AK9: variants seen among roughly 807,000 people sequenced by gnomAD.
The protein encoded by AK9 is adenylate kinase 9.
Under a neutral mutation model 239.6 loss-of-function variants are expected in AK9, and 191 were observed. The ratio of observed to expected loss-of-function variants is 0.80; its 90% CI spans 0.71 to 0.90. The LOEUF (loss-of-function observed/expected upper bound fraction) is 0.90. AK9 is among the 40% of genes least tolerant of loss of function. The probability of loss-of-function intolerance (pLI) is 0.00; values close to 1 mark genes in which losing one functional copy is unlikely to be tolerated. For missense variants in AK9, 1,995 were observed against 2,214.7 expected (o/e 0.90, Z 1.99); for synonymous variants, 689 against 721.0 (o/e 0.96, Z 0.71).
At chr6:109,668,145 C>T (rs1339458312) in intron 5 of AK9, among the ~76,000 whole-genome samples, 13 of 152,186 alleles carry the variant, frequency 8.5e-5, no homozygotes, top group African/African-American at 2.4e-4. Flanking sequence ...ATTTCTTGGA[C>T]GGCCAGTGAT....
At chr6:109,671,172 C>T (rs1195936257) in intron 5 of AK9, among the ~76,000 whole-genome samples, 1 of 152,130 alleles carries the variant, frequency 6.6e-6, no homozygotes, top group African/African-American at 2.4e-5. Flanking sequence ...TTTTACTTTC[C>T]TGTATTTTTA....
chr6:109,584,075 T>A (rs1789183624), intron 19 of AK9, among the ~76,000 whole-genome samples: 1 of 152,196 alleles, frequency 6.6e-6, no homozygotes. Flanking sequence ...TACTGTTTGG[T>A]CAATATATCA....
At chr6:109,663,257 C>T (rs1800685620) in intron 5 of AK9, among the ~76,000 whole-genome samples, 1 of 151,928 alleles carries the variant, frequency 6.6e-6, no homozygotes, top group South Asian at 2.1e-4. Flanking sequence ...TATTAATTTC[C>T]TTAATATATT....
intron 23 of AK9, among the ~76,000 whole-genome samples, 183 bp from the exon 24 acceptor site, chr6:109,563,895 T>C (rs1220770585): frequency 6.6e-6 from 1 of 152,242 alleles, no homozygotes; most frequent in Non-Finnish European, 1.5e-5. Context: ...CAGAGGTGTT[T>C]GGGCCACATA....
At chr6:109,497,382 T>TCA in intron 38 of AK9, 83 bp downstream of exon 38, 2 of 642,308 alleles carry the variant, frequency 3.1e-6, no homozygotes, top group African/African-American at 3.7e-5. Context: ...TCTCTCTCTC[T>TCA]CTCACACACT....
At chr6:109,650,933 GA>G (rs1435416072) in intron 8 of AK9, among the ~76,000 whole-genome samples, 2 of 152,120 alleles carry the variant, frequency 1.3e-5, no homozygotes, top group Admixed American at 6.5e-5. Flanking sequence ...CCTTTGTAGG[GA>G]CATGGATGAA....
At position 109,494,096 on chromosome 6, in the gene AK9, C is replaced by T. The variant is rs761221097; in HGVS notation, c.5419-1G>A. The stretch of plus-strand genomic sequence containing the variant: ...CTTTAATTAGAGAAGTTGCAATACC[C>T]TGCAGGGAGGGAACAATTCAAATTC... On this transcript the variant is annotated splice_acceptor_variant, in intron 39 of 40. Transcript: ENST00000424296. LOFTEE classifies it high-confidence loss of function. The T allele has an allele frequency of 1.2e-6, 2 of 1,606,176 alleles. No individual in the cohort carries two copies. Among genetic ancestry groups the T allele is most frequent in the South Asian group, 1.1e-5 (1 of 90,506 alleles).
chr6:109,647,543 T>C (rs11153207), intron 8 of AK9, among the ~76,000 whole-genome samples: 88,524 of 151,894 alleles, frequency 0.58, 27,466 homozygotes, highest in South Asian at 0.84. Flanking sequence ...AGCTAACTAT[T>C]CTAAATATAT....
intron 1 of AK9, among the ~76,000 whole-genome samples, chr6:109,685,133 A>G (rs1298223642): frequency 6.6e-6 from 1 of 152,030 alleles, no homozygotes; most frequent in Admixed American, 6.5e-5. Context: ...TGTTGGTGGG[A>G]GTGTAAATTA....
At chr6:109,499,882 GA>G (rs1307272047) in intron 35 of AK9, among the ~76,000 whole-genome samples, 1 of 152,166 alleles carries the variant, frequency 6.6e-6, no homozygotes, top group Non-Finnish European at 1.5e-5. Flanking sequence ...TTACAGGCAT[GA>G]GCCTTCCGTG....
At chr6:109,578,443 C>CAGAT (rs1315686504) in intron 20 of AK9, among the ~76,000 whole-genome samples, 1 of 152,124 alleles carries the variant, frequency 6.6e-6, no homozygotes, top group East Asian at 1.9e-4. Context: ...AATGATCTAT[C>CAGAT]AATTTTGCTT....
chr6:109,528,354 G>T (rs769485993), intron 29 of AK9: 6 of 359,212 alleles, frequency 1.7e-5, no homozygotes, highest in Non-Finnish European at 3.3e-5. Flanking sequence ...TACGATTTCT[G>T]TAAGTTTTGC....
At chr6:109,540,622 T>A (rs1444515165) in intron 27 of AK9, among the ~76,000 whole-genome samples, 1 of 152,180 alleles carries the variant, frequency 6.6e-6, no homozygotes, top group Non-Finnish European at 1.5e-5. Flanking sequence ...GCACCCACTG[T>A]CTGACAAGCC....
chr6:109,619,411 CT>C (rs1439984994), intron 12 of AK9, among the ~76,000 whole-genome samples, 175 bp from the exon 13 acceptor site: 1 of 151,768 alleles, frequency 6.6e-6, no homozygotes, highest in African/African-American at 2.4e-5. Context: ...TGAGTACTTG[CT>C]TTAATAGAAA....
At position 109,493,449 on chromosome 6, in the gene AK9, G is replaced by T; in HGVS notation, c.5656C>A (p.Pro1886Thr). 6.2e-7 allele frequency: 1 copy of T among 1,614,146 alleles called. No homozygotes were observed. Among genetic ancestry groups the T allele is most frequent in the Admixed American group, 1.7e-5 (1 of 60,024 alleles). Reference sequence around the variant, plus strand: ...TCAAAGTCAATGGCTCTGAACTGAGGTTCCTTGTATTTTCTGGTCATCTTG... The same window carrying T: ...TCAAAGTCAATGGCTCTGAACTGAGTTTCCTTGTATTTTCTGGTCATCTTG... ...GAKMTRKYKE[P>T]QFRAIDFDHK... The change falls in exon 41 of 41, where the codon CCT becomes ACT. Residue 1886 changes from proline (P) to threonine (T), a missense_variant. By Grantham distance (38) the Pro-to-Thr change is conservative. Around this residue, in one of 5 missense-constraint regions of AK9, gnomAD observed 391 missense variants for 456.0 expected, o/e 0.86. Coordinates refer to ENST00000424296, the MANE Select transcript of AK9 (RefSeq NM_001145128.3).
At chr6:109,518,873 T>G (rs182360518) in intron 29 of AK9, among the ~76,000 whole-genome samples, 1 of 152,094 alleles carries the variant, frequency 6.6e-6, no homozygotes, top group Non-Finnish European at 1.5e-5. Context: ...AAGGGTATAT[T>G]GCATGATGCT....
intron 1 of AK9, among the ~76,000 whole-genome samples, chr6:109,686,812 C>A (rs1273893944): frequency 1.3e-5 from 2 of 152,184 alleles, no homozygotes; most frequent in Non-Finnish European, 2.9e-5. Flanking sequence ...GAAGTATCCA[C>A]TATGAGCTGG....
intron 9 of AK9, 96 bp from the exon 10 acceptor site, chr6:109,641,712 C>G: frequency 9.9e-7 from 1 of 1,013,566 alleles, no homozygotes; most frequent in Non-Finnish European, 1.5e-6. Flanking sequence ...CCATGCTCCC[C>G]CTGACTCTGG....
intron 24 of AK9, among the ~76,000 whole-genome samples, chr6:109,553,098 G>A (rs144708172): frequency 0.015 from 2,231 of 152,174 alleles, 58 homozygotes; most frequent in African/African-American, 0.051. Flanking sequence ...TGCTGTTTTG[G>A]TTACTGTAGC....
Sources: allele counts gnomAD v4.1 joint callset (sites outside exome capture counted in the v4.1 genomes callset), GRCh38; gene constraint gnomAD v4.1.1; regional missense constraint gnomAD v4.1.1; transcripts MANE v1.5; gene names NCBI Gene and HGNC (gene_info 2026-07-23, HGNC 2026-07-21).